The following KCND3 variants were observed in gnomAD, a reference collection of about 807,000 sequenced individuals.
KCND3 encodes potassium voltage-gated channel subfamily D member 3.
A neutral mutation model predicts 51.1 loss-of-function variants in KCND3; 9 were observed. The observed-to-expected ratio is 0.18, with a 90% CI of 0.11 to 0.31. The LOEUF (loss-of-function observed/expected upper bound fraction) is 0.31, where lower values mean the gene tolerates loss of function less well. KCND3 is among the 10% of genes least tolerant of loss of function. The pLI is 1.00. For synonymous variants in KCND3, 349 were observed against 368.0 expected, an observed-to-expected ratio of 0.95 and a Z score of 0.59; for missense variants, 526 against 903.8, an observed-to-expected ratio of 0.58 and a Z score of 5.36.
chr1:111,924,700 AG>A (rs1042375828), intron 2 of KCND3, among the ~76,000 whole-genome samples: 2 of 152,254 alleles, frequency 1.3e-5, no homozygotes, highest in African/African-American at 4.8e-5. Context: ...GCCGTAGCTC[AG>A]GGCTATTTCA....
rs565557712 is a variant in KCND3 at position 111,847,022 on chromosome 1, C to T, written c.1107-59916G>A. On this transcript the variant is annotated intron_variant, in intron 2 of 7. Transcript: ENST00000302127. ...CCATATTCTCAGCTCAAGCCCAGTGCCTGGCCCAGTCTTGGCAAATATCTA... is the reference window on the plus strand; with the variant it reads ...CCATATTCTCAGCTCAAGCCCAGTGTCTGGCCCAGTCTTGGCAAATATCTA... 2.6e-5 allele frequency among the ~76,000 whole-genome samples: 4 copies of T among 152,336 alleles called. No individual in the cohort carries two copies. In the East Asian group the frequency reaches 7.7e-4, roughly 29 times the overall value.
chr1:111,951,756 G>A (rs1673074865), intron 2 of KCND3, among the ~76,000 whole-genome samples: 1 of 152,182 alleles, frequency 6.6e-6, no homozygotes, highest in Admixed American at 6.5e-5. Flanking sequence ...AAGCTGGGTT[G>A]GAGTTTGGCT....
chr1:111,871,851 G>A (rs945357109), intron 2 of KCND3, among the ~76,000 whole-genome samples: 1 of 152,116 alleles, frequency 6.6e-6, no homozygotes, highest in Non-Finnish European at 1.5e-5. Flanking sequence ...GGAGAGAGCA[G>A]GTGAAGAGAG....
chr1:111,986,329 C>G (rs1334183964), intron 1 of KCND3, among the ~76,000 whole-genome samples: 1 of 152,218 alleles, frequency 6.6e-6, no homozygotes, highest in African/African-American at 2.4e-5. Flanking sequence ...TCAGAAGTCT[C>G]TTTCAAAGTG....
At position 111,940,073 on chromosome 1, in the gene KCND3, GTTTTT is replaced by G. The variant is rs61088602; in HGVS notation, c.1106+41543_1106+41547del. 6.1e-3 allele frequency among the ~76,000 whole-genome samples: 524 copies of G among 85,460 alleles called. 2 individuals are homozygous for G. Among genetic ancestry groups the G allele is most frequent in the African/African-American group, 0.019 (376 of 19,546 alleles). 56.1% of individuals were successfully genotyped at this position (85,460 alleles called of 152,430 possible). A position where few individuals can be genotyped will look rare whatever the true frequency, so the allele number is the denominator to read the frequency against. ...TATATCCTTCGCCTACTTTTTGATG[GTTTTT>G]TTTTTTTTTTTTTTTTTTGTAAGTT... On this transcript the variant is annotated intron_variant, in intron 2 of 7. Transcript: ENST00000302127.
chr1:111,861,974 T>G (rs1331981610), intron 2 of KCND3, among the ~76,000 whole-genome samples: 1 of 152,166 alleles, frequency 6.6e-6, no homozygotes, highest in African/African-American at 2.4e-5. Context: ...ACAGAGCTAC[T>G]GCCTCACAAA....
At chr1:111,948,455 C>T (rs922840717) in intron 2 of KCND3, among the ~76,000 whole-genome samples, 9 of 152,230 alleles carry the variant, frequency 5.9e-5, no homozygotes, top group Non-Finnish European at 1.0e-4. Context: ...CTCTGGCCCA[C>T]ACTTAAGGAT....
In KCND3 at chr1:111,844,405, G is replaced by A. The variant is rs559012232; in HGVS notation, c.1107-57299C>T. ...ATGGATATACAAAGAAGGTACACAC[G>A]TCTATCCTCTTTTTGGTCTCTGTCA... On this transcript the variant is annotated intron_variant, in intron 2 of 7. Transcript: ENST00000302127. Among the ~76,000 whole-genome samples the A allele has an allele frequency of 3.3e-5, 5 of 152,130 alleles. No individual in the cohort carries two copies. The South Asian group carries it at 6.2e-4, about 19-fold the overall frequency.
chr1:111,975,303 C>T (rs1009101719), intron 2 of KCND3, among the ~76,000 whole-genome samples: 2 of 152,160 alleles, frequency 1.3e-5, no homozygotes, highest in South Asian at 2.1e-4. Context: ...AGCCATCCTG[C>T]GAGGCCTTGA....
chr1:111,821,253 T>C (rs1048013543), intron 2 of KCND3, among the ~76,000 whole-genome samples: 29 of 152,298 alleles, frequency 1.9e-4, no homozygotes, highest in African/African-American at 6.7e-4. Flanking sequence ...AAATATTTTA[T>C]GGATGGGTGT....
intron 2 of KCND3, among the ~76,000 whole-genome samples, chr1:111,912,682 G>C (rs538376924): frequency 2.0e-4 from 30 of 152,266 alleles, no homozygotes; most frequent in African/African-American, 7.0e-4. Flanking sequence ...ATCCTAACCT[G>C]ATGCAGGCCT....
At chr1:111,967,974 T>C (rs1217899746) in intron 2 of KCND3, among the ~76,000 whole-genome samples, 2 of 152,164 alleles carry the variant, frequency 1.3e-5, no homozygotes, top group African/African-American at 4.8e-5. Flanking sequence ...GCAACCTATG[T>C]GGGCCAGCTC....
At chr1:111,836,151 C>T (rs1441454830) in intron 2 of KCND3, among the ~76,000 whole-genome samples, 1 of 152,234 alleles carries the variant, frequency 6.6e-6, no homozygotes, top group African/African-American at 2.4e-5. Flanking sequence ...GGATCCTGGA[C>T]AAGAGACTTT....
chr1:111,926,519 C>G (rs1379367041), intron 2 of KCND3, among the ~76,000 whole-genome samples: 2 of 152,372 alleles, frequency 1.3e-5, no homozygotes, highest in East Asian at 3.9e-4. Flanking sequence ...AGGTGCCTGT[C>G]CCGTAGAAGG....
intron 2 of KCND3, among the ~76,000 whole-genome samples, chr1:111,855,705 C>T (rs952748557): frequency 1.3e-5 from 2 of 152,116 alleles, no homozygotes; most frequent in African/African-American, 4.8e-5. Flanking sequence ...CTGCTGCACA[C>T]CTCCACCCCA....
intron 2 of KCND3, among the ~76,000 whole-genome samples, chr1:111,965,438 C>CCA (rs56156826): frequency 0.035 from 2,496 of 72,338 alleles, 76 homozygotes; most frequent in Non-Finnish European, 0.036. Context: ...GCCAGCAAAA[C>CCA]CACACACACA....
chr1:111,973,469 A>G (rs1244383710), intron 2 of KCND3, among the ~76,000 whole-genome samples: 1 of 152,248 alleles, frequency 6.6e-6, no homozygotes, highest in Non-Finnish European at 1.5e-5. Context: ...AGGTTCTGGG[A>G]TGGAGGGAGG....
At chr1:111,960,596 G>A (rs774303816) in intron 2 of KCND3, among the ~76,000 whole-genome samples, 1 of 152,194 alleles carries the variant, frequency 6.6e-6, no homozygotes, top group African/African-American at 2.4e-5. Context: ...CAAAAAAACT[G>A]GAAGATACTG....
intron 2 of KCND3, among the ~76,000 whole-genome samples, chr1:111,929,841 C>T (rs1193386224): frequency 2.6e-5 from 4 of 152,202 alleles, no homozygotes; most frequent in East Asian, 3.9e-4. Flanking sequence ...CAGTTATGAA[C>T]GGGCCCCATC....
Sources: gnomAD v4.1 joint callset for allele counts (sites outside exome capture counted in the v4.1 genomes callset) on GRCh38, gnomAD v4.1.1 for gene constraint, MANE v1.5 for transcripts, NCBI Gene and HGNC (gene_info 2026-07-23, HGNC 2026-07-21) for gene names.